NAMPT: variants seen among roughly 807,000 people sequenced by gnomAD.
NAMPT encodes NAmPRTase.
A neutral mutation model predicts 58.7 loss-of-function variants in NAMPT; 7 were observed. The observed-to-expected ratio is 0.12, with a 90% CI of 0.07 to 0.22. The LOEUF is 0.22. Ranked by LOEUF, NAMPT falls within the 10% of genes least tolerant of loss-of-function variation. NAMPT has a pLI of 1.00. For synonymous variants in NAMPT, 145 were observed against 198.1 expected (o/e 0.73, Z 2.25); for missense variants, 271 against 567.9 (o/e 0.48, Z 5.31).
At chr7:106,283,780 AAACTT>A (rs1562820816) in intron 1 of NAMPT, among the ~76,000 whole-genome samples, 1 of 152,228 alleles carries the variant, frequency 6.6e-6, no homozygotes. Context: ...AAAACAGACA[AAACTT>A]AAGTAAAATG....
At chr7:106,272,325 A>G (rs1792551432) in intron 4 of NAMPT, 1 of 427,782 alleles carries the variant, frequency 2.3e-6, no homozygotes, top group Admixed American at 4.2e-5. Flanking sequence ...GATTTAAACA[A>G]AATCTCAGAA....
At chr7:106,273,099 T>C (rs1192014715) in intron 3 of NAMPT, among the ~76,000 whole-genome samples, 1 of 152,144 alleles carries the variant, frequency 6.6e-6, no homozygotes, top group Non-Finnish European at 1.5e-5. Context: ...GGATTGCTAT[T>C]AAAGAACAAA....
chr7:106,280,816 C>A (rs1188294137), intron 1 of NAMPT, among the ~76,000 whole-genome samples: 5 of 151,862 alleles, frequency 3.3e-5, no homozygotes, highest in Non-Finnish European at 5.9e-5. Context: ...TGGCACGCGC[C>A]TGTAGTCCCA....
intron 8 of NAMPT, among the ~76,000 whole-genome samples, chr7:106,255,656 T>C (rs1033062012): frequency 6.6e-6 from 1 of 152,200 alleles, no homozygotes; most frequent in African/African-American, 2.4e-5. Flanking sequence ...AGAATCAAGA[T>C]GAAAACATAT....
At position 106,272,737 on chromosome 7, in the gene NAMPT, G is replaced by A. The variant is rs1053569404; in HGVS notation, c.319-79C>T. On this transcript the variant is annotated intron_variant, in intron 3 of 10. Transcript: ENST00000222553. ...TGCTGTTTTACTAAAGGTTCTTTACGTTTTATAGAAGCTAAATTTACTGTC... is the reference window on the plus strand; with the variant it reads ...TGCTGTTTTACTAAAGGTTCTTTACATTTTATAGAAGCTAAATTTACTGTC... 38 of 1,498,808 alleles carry A rather than the reference G, an allele frequency of 2.5e-5. No homozygotes were observed. In the East Asian group the frequency reaches 3.2e-4, roughly 13 times the overall value. 92.8% of individuals were successfully genotyped at this position (1,498,808 alleles called of 1,614,324 possible).
At chr7:106,252,967 G>T in intron 10 of NAMPT, 50 bp downstream of exon 10, 1 of 1,569,918 alleles carries the variant, frequency 6.4e-7, no homozygotes, top group South Asian at 1.2e-5. Flanking sequence ...TATTAATTTG[G>T]TGAGCCAACC....
At position 106,261,572 on chromosome 7, in the gene NAMPT, A is replaced by C; in HGVS notation, c.1089+16T>G. The C allele has an allele frequency of 6.6e-7, 1 of 1,509,468 alleles. No homozygotes were observed. Among genetic ancestry groups the C allele is most frequent in the Non-Finnish European group, 9.1e-7 (1 of 1,103,820 alleles). 93.5% of individuals were successfully genotyped at this position (1,509,468 alleles called of 1,614,324 possible). The stretch of plus-strand genomic sequence containing the variant: ...TAAGAAATGCCTTATTGAAACTTTT[A>C]ATATAAAACACATACCTCTTGTAAG... On this transcript the variant is annotated intron_variant, in intron 8 of 10. Coordinates refer to ENST00000222553, the MANE Select transcript of NAMPT (RefSeq NM_005746.3).
chr7:106,264,067 T>C (rs1290795639), intron 6 of NAMPT, among the ~76,000 whole-genome samples: 1 of 152,124 alleles, frequency 6.6e-6, no homozygotes, highest in Non-Finnish European at 1.5e-5. Flanking sequence ...TATATACCAA[T>C]AATAGTACAG....
At chr7:106,256,165 G>A (rs1792195619) in intron 8 of NAMPT, among the ~76,000 whole-genome samples, 1 of 152,182 alleles carries the variant, frequency 6.6e-6, no homozygotes, top group Non-Finnish European at 1.5e-5. Flanking sequence ...TCCAATAGAA[G>A]TTTCAATGAT....
intron 6 of NAMPT, among the ~76,000 whole-genome samples, chr7:106,267,432 C>G (rs1345216174): frequency 6.6e-6 from 1 of 152,206 alleles, no homozygotes; most frequent in African/African-American, 2.4e-5. Flanking sequence ...TCTAAACTCA[C>G]TGCTGGTTTT....
intron 8 of NAMPT, among the ~76,000 whole-genome samples, chr7:106,256,812 C>G (rs1316564122): frequency 6.6e-6 from 1 of 152,168 alleles, no homozygotes; most frequent in Non-Finnish European, 1.5e-5. Flanking sequence ...TATTGAGACA[C>G]AACCCCATGC....
At chr7:106,273,022 C>T (rs1264674789) in intron 3 of NAMPT, among the ~76,000 whole-genome samples, 1 of 152,064 alleles carries the variant, frequency 6.6e-6, no homozygotes, top group East Asian at 1.9e-4. Context: ...AAAAGTATTC[C>T]AAGAACACTA....
At chr7:106,254,680 A>C (rs998640469) in intron 8 of NAMPT, among the ~76,000 whole-genome samples, 176 bp from the exon 9 acceptor site, 1 of 152,146 alleles carries the variant, frequency 6.6e-6, no homozygotes, top group African/African-American at 2.4e-5. Flanking sequence ...CAAAAGATGG[A>C]TATGTGTGGA....
In NAMPT at chr7:106,275,065, T is replaced by C. The variant is rs766156388; in HGVS notation, c.215-16A>G. 1.7e-5 allele frequency: 25 copies of C among 1,479,196 alleles called. No homozygotes were observed. Among genetic ancestry groups the C allele is most frequent in the Non-Finnish European group, 2.4e-5 (25 of 1,060,054 alleles). The allele number at this position is 1,479,196 out of a possible 1,614,324, so 91.6% of individuals were successfully genotyped here. A position where few individuals can be genotyped will look rare whatever the true frequency, so the allele number is the denominator to read the frequency against. On this transcript the variant is annotated splice_polypyrimidine_tract_variant and intron_variant, in intron 2 of 10. Coordinates refer to ENST00000222553, the MANE Select transcript of NAMPT (RefSeq NM_005746.3). ...ACTACTTTACCTAGAAGAATATACA[T>C]GTCCTGTTTACATTTCTAAAGGTGC...
intron 8 of NAMPT, among the ~76,000 whole-genome samples, chr7:106,255,024 C>CAGTT (rs1792174028): frequency 6.6e-6 from 1 of 152,128 alleles, no homozygotes; most frequent in African/African-American, 2.4e-5. Context: ...TCCTATATAA[C>CAGTT]AGTTGGTATA....
At chr7:106,275,107 A>C in intron 2 of NAMPT, 58 bp from the exon 3 acceptor site, 2 of 1,077,320 alleles carry the variant, frequency 1.9e-6, no homozygotes, top group Non-Finnish European at 2.8e-6. Flanking sequence ...TGAGTTGCTG[A>C]ACTGTCACAG....
At chr7:106,255,907 C>T (rs1010255581) in intron 8 of NAMPT, among the ~76,000 whole-genome samples, 1 of 152,110 alleles carries the variant, frequency 6.6e-6, no homozygotes, top group African/African-American at 2.4e-5. Flanking sequence ...GACCTGTCAC[C>T]TCATTTTAGA....
intron 8 of NAMPT, among the ~76,000 whole-genome samples, chr7:106,259,581 C>T (rs1480118012): frequency 1.3e-5 from 2 of 152,082 alleles, no homozygotes; most frequent in Non-Finnish European, 2.9e-5. Flanking sequence ...TGCATTGCCC[C>T]ACCCAGCTAA....
At chr7:106,285,080 C>CT, upstream of NAMPT, 1 of 1,350,976 alleles carries the variant, frequency 7.4e-7, no homozygotes, top group Non-Finnish European at 9.6e-7. Flanking sequence ...CGGGTGACGG[C>CT]TGCGGCGGCT....
Sources: allele counts gnomAD v4.1 joint callset (sites outside exome capture counted in the v4.1 genomes callset), GRCh38; gene constraint gnomAD v4.1.1; transcripts MANE v1.5; gene names NCBI Gene and HGNC (gene_info 2026-07-23, HGNC 2026-07-21).